Variants in KAZN observed in about 807,000 individuals in gnomAD.
The protein encoded by KAZN is kazrin.
In KAZN, 40 loss-of-function variants were observed where a neutral mutation model predicts 87.4. That is an observed-to-expected ratio of 0.46 (90% CI 0.36 to 0.60). KAZN has a LOEUF of 0.60. Among genes scored for constraint, KAZN ranks in the 20% least tolerant of loss-of-function variants. KAZN has a pLI of 0.00. For synonymous variants in KAZN, 466 were observed against 458.3 expected, an observed-to-expected ratio of 1.02 and a Z score of -0.22; for missense variants, 898 against 1,073.9, an observed-to-expected ratio of 0.84 and a Z score of 2.29.
intron 2 of KAZN, among the ~76,000 whole-genome samples, chr1:14,981,230 G>A (rs1666217498): frequency 6.6e-6 from 1 of 152,240 alleles, no homozygotes; most frequent in South Asian, 2.1e-4. Flanking sequence ...TGAATGCTTA[G>A]TGGGGTTTCT....
At chr1:13,958,587 A>AT (rs1641637749) in intron 1 of KAZN, among the ~76,000 whole-genome samples, 1 of 151,632 alleles carries the variant, frequency 6.6e-6, no homozygotes, top group Non-Finnish European at 1.5e-5. Flanking sequence ...AAAAAAAAAA[A>AT]AATTAAAAAT....
intron 1 of KAZN, among the ~76,000 whole-genome samples, chr1:14,017,967 C>T (rs552099901): frequency 6.6e-6 from 1 of 152,258 alleles, no homozygotes; most frequent in South Asian, 2.1e-4. Context: ...GTTTACTAAG[C>T]ATGTATCTGC....
intron 1 of KAZN, among the ~76,000 whole-genome samples, chr1:14,066,988 G>A (rs2101540274): frequency 6.6e-6 from 1 of 152,198 alleles, no homozygotes; most frequent in Admixed American, 6.5e-5. Flanking sequence ...CATCTTCCTT[G>A]ACTACCCTAT....
intron 1 of KAZN, among the ~76,000 whole-genome samples, chr1:14,914,276 C>T (rs1657562269): frequency 6.6e-6 from 1 of 152,188 alleles, no homozygotes; most frequent in Non-Finnish European, 1.5e-5. Context: ...GATTAGTCCC[C>T]CTGGCCCTTG....
chr1:14,246,286 T>C (rs12029279), intron 2 of KAZN, among the ~76,000 whole-genome samples: 40,936 of 151,986 alleles, frequency 0.27, 6,037 homozygotes, highest in Middle Eastern at 0.4. Context: ...CACATTTACC[T>C]ATGTGGCAAA....
intron 1 of KAZN, among the ~76,000 whole-genome samples, chr1:14,643,049 A>G (rs1280841362): frequency 1.3e-5 from 2 of 152,370 alleles, no homozygotes; most frequent in East Asian, 3.9e-4. Context: ...AACAACCTGT[A>G]TGTTGTGAAT....
chr1:14,850,834 A>G (rs560173812), intron 1 of KAZN, among the ~76,000 whole-genome samples: 11 of 152,300 alleles, frequency 7.2e-5, no homozygotes, highest in African/African-American at 2.4e-4. Context: ...TCCCTCCCCT[A>G]GGCAGGTGTA....
chr1:14,925,857 T>C (rs538564650), intron 1 of KAZN, among the ~76,000 whole-genome samples: 7 of 152,274 alleles, frequency 4.6e-5, no homozygotes, highest in African/African-American at 1.7e-4. Context: ...TTCTCCCCAG[T>C]TACACACGGC....
chr1:14,222,128 A>G (rs1647114535), intron 2 of KAZN: 1 of 152,186 alleles, frequency 6.6e-6, no homozygotes. Flanking sequence ...AAATAGGTTA[A>G]TTTGCTCCGG....
At chr1:14,981,864 C>G (rs1476042785) in intron 2 of KAZN, among the ~76,000 whole-genome samples, 1 of 152,126 alleles carries the variant, frequency 6.6e-6, no homozygotes, top group African/African-American at 2.4e-5. Flanking sequence ...TTCAACATAC[C>G]CTGAGTTTGT....
At chr1:14,068,037 T>C (rs994738089) in intron 1 of KAZN, among the ~76,000 whole-genome samples, 6 of 152,184 alleles carry the variant, frequency 3.9e-5, no homozygotes, top group African/African-American at 1.4e-4. Context: ...TGGCCAAGCC[T>C]GGATGGCATG....
At position 15,099,975 on chromosome 1, in the gene KAZN, T is replaced by C. The variant is rs514137; in HGVS notation, c.1548-1568T>C. Among the ~76,000 whole-genome samples, 1 of 151,768 alleles carries C rather than the reference T, an allele frequency of 6.6e-6. No homozygotes were observed. ...AAGGGCCCCTGGGTGACGGTGACAG[T>C]GACAGTGAAGGGGAACAACTGAGCC... is the stretch of plus-strand genomic sequence containing the variant. On this transcript the variant is annotated intron_variant, in intron 10 of 14. Coordinates refer to ENST00000376030, the MANE Select transcript of KAZN (RefSeq NM_201628.3). The surrounding 1 kb of genome is among the most constrained non-coding windows in gnomAD (Gnocchi z 5.4).
At chr1:15,014,636 C>A (rs1418852547) in intron 2 of KAZN, among the ~76,000 whole-genome samples, 1 of 152,172 alleles carries the variant, frequency 6.6e-6, no homozygotes, top group African/African-American at 2.4e-5. Flanking sequence ...TGGAACTCTG[C>A]CATCTGTCAC....
At chr1:14,910,194 C>T (rs1321703771) in intron 1 of KAZN, among the ~76,000 whole-genome samples, 1 of 152,196 alleles carries the variant, frequency 6.6e-6, no homozygotes, top group African/African-American at 2.4e-5. Flanking sequence ...TCTTCTCCCT[C>T]CTAACATTCA....
At chr1:14,278,929 T>TTC (rs1210246311) in intron 2 of KAZN, among the ~76,000 whole-genome samples, 18 of 49,618 alleles carry the variant, frequency 3.6e-4, no homozygotes, top group African/African-American at 8.7e-4. Flanking sequence ...AATTCAGCTT[T>TTC]TTTTTTTTTT....
intron 2 of KAZN, among the ~76,000 whole-genome samples, chr1:14,527,613 A>G (rs1433408481): frequency 3.3e-5 from 5 of 151,992 alleles, no homozygotes; most frequent in African/African-American, 1.2e-4. Flanking sequence ...AGCAAGAAAC[A>G]AGAAACACAA....
At chr1:13,911,209 T>C (rs1639641762) in intron 1 of KAZN, among the ~76,000 whole-genome samples, 1 of 152,188 alleles carries the variant, frequency 6.6e-6, no homozygotes, top group African/African-American at 2.4e-5. Flanking sequence ...CCACCACGCC[T>C]GTCTCATTTT....
chr1:13,900,536 C>T (rs946162735), intron 1 of KAZN, among the ~76,000 whole-genome samples: 1 of 152,166 alleles, frequency 6.6e-6, no homozygotes, highest in Non-Finnish European at 1.5e-5. Context: ...TCCTCATAGC[C>T]TTGGAGTAAG....
intron 1 of KAZN, among the ~76,000 whole-genome samples, chr1:14,907,578 A>G (rs1656747856): frequency 6.6e-6 from 1 of 152,170 alleles, no homozygotes; most frequent in African/African-American, 2.4e-5. Flanking sequence ...TTGAGTTTGC[A>G]AAAAGCTCAG....
Sources: allele counts gnomAD v4.1 joint callset (sites outside exome capture counted in the v4.1 genomes callset), GRCh38; gene constraint gnomAD v4.1.1; non-coding constraint Gnocchi (gnomAD v3.1); transcripts MANE v1.5; gene names NCBI Gene and HGNC (gene_info 2026-07-23, HGNC 2026-07-21).